The following CPNE7 variants were observed in gnomAD, a reference collection of about 807,000 sequenced individuals.
The protein encoded by CPNE7 is copine-7.
CPNE7 carries 78 observed loss-of-function variants against 66.5 expected under a neutral mutation model. That is an observed-to-expected ratio of 1.17 (90% CI 0.98 to 1.42). The LOEUF is 1.42. Ranked by LOEUF, CPNE7 falls within the 40% of genes most tolerant of loss-of-function variation. The pLI is 0.00. For synonymous variants in CPNE7, 468 were observed against 336.7 expected, an observed-to-expected ratio of 1.39 and a Z score of -4.27; for missense variants, 1,012 against 776.6, an observed-to-expected ratio of 1.30 and a Z score of -3.60.
In CPNE7 at chr16:89,584,543, G is replaced by A. The variant is rs776760220; in HGVS notation, c.508-231G>A. 4.0e-5 allele frequency among the ~76,000 whole-genome samples: 6 copies of A among 151,826 alleles called. No individual in the cohort carries two copies. The highest frequency in any genetic ancestry group is 7.4e-5 in the Non-Finnish European group (5 of 67,894). On this transcript the variant is annotated intron_variant, in intron 4 of 14. Coordinates refer to ENST00000319518, the MANE Select transcript of CPNE7 (RefSeq NM_153636.3). The surrounding 1 kb of genome is among the most constrained non-coding windows in gnomAD (Gnocchi z 6.0). ...GGGCAAGTCCGTGGAGGGCTGAGTC[G>A]CAGGGTGTGCAGGGTGACTCCATGG...
At chr16:89,589,789 C>T (rs773520184) in intron 10 of CPNE7, 108 bp from the exon 11 acceptor site, 12 of 1,216,562 alleles carry the variant, frequency 9.9e-6, no homozygotes, top group African/African-American at 1.5e-5. Context: ...TGGTACCAGG[C>T]CTGGGCACCC....
At chr16:89,577,761 C>G in intron 2 of CPNE7, 40 bp downstream of exon 2, 3 of 1,545,450 alleles carry the variant, frequency 1.9e-6, no homozygotes, top group Non-Finnish European at 2.6e-6. Flanking sequence ...GGACGGTTGG[C>G]GTGGGGGCCA....
In CPNE7 at chr16:89,597,244, G is replaced by A. The variant is rs1347991430; in HGVS notation, c.*623G>A. ...AGTAATAAAGTGTCACCCTATCCTT[G>A]TAGTTCTCTTGTGCCTTCAGTCCCT... On this transcript the variant is annotated 3_prime_UTR_variant, in exon 15 of 15. Coordinates refer to ENST00000319518, the MANE Select transcript of CPNE7 (RefSeq NM_153636.3). 6.5e-6 allele frequency: 1 copy of A among 152,686 alleles called. No homozygotes were observed. Among genetic ancestry groups the A allele is most frequent in the Non-Finnish European group, 1.5e-5 (1 of 68,434 alleles). The allele number at this position is 152,686 out of a possible 1,614,324, so 9.5% of individuals were successfully genotyped here.
At chr16:89,579,498 C>A (rs1025195125) in intron 2 of CPNE7, among the ~76,000 whole-genome samples, 1 of 150,450 alleles carries the variant, frequency 6.6e-6, no homozygotes, top group Non-Finnish European at 1.5e-5. Context: ...ACCCGTCACA[C>A]GGAACATCCC....
chr16:89,592,069 C>T (rs4479222), intron 13 of CPNE7, among the ~76,000 whole-genome samples: 48,764 of 144,030 alleles, frequency 0.34, 10,369 homozygotes, highest in East Asian at 0.84. Context: ...AGTGTAGTGG[C>T]GCAATCTCCG....
chr16:89,587,706 C>A (rs1467272867), intron 9 of CPNE7: 3 of 333,274 alleles, frequency 9.0e-6, no homozygotes, highest in Non-Finnish European at 1.9e-5. Flanking sequence ...CACCCCGTGT[C>A]ACCCCCATAG....
intron 2 of CPNE7, among the ~76,000 whole-genome samples, chr16:89,579,533 G>C (rs1256403599): frequency 2.1e-5 from 3 of 141,512 alleles, no homozygotes; most frequent in African/African-American, 5.4e-5. Flanking sequence ...CCCATCACTT[G>C]TCACATCTCA....
intron 1 of CPNE7, among the ~76,000 whole-genome samples, chr16:89,576,632 C>G (rs1445499032): frequency 1.3e-5 from 2 of 152,182 alleles, no homozygotes; most frequent in African/African-American, 4.8e-5. Context: ...CACCATCTCG[C>G]GTGAAACGCG....
At chr16:89,586,858 C>T in intron 8 of CPNE7, 102 bp downstream of exon 8, 1 of 1,210,732 alleles carries the variant, frequency 8.3e-7, no homozygotes, top group Non-Finnish European at 1.2e-6. Flanking sequence ...CTGGTGGGCC[C>T]CAGCACGTCT....
Position 89,577,652 on chromosome 16 carries a change from G to C in CPNE7, c.288G>C (p.Thr96=), listed in dbSNP as rs559921302. The C allele has an allele frequency of 4.4e-6, 7 of 1,594,542 alleles. No homozygotes were observed. In the South Asian group the frequency reaches 8.0e-5, roughly 18 times the overall value. The change falls in exon 2 of 15, where the codon ACG becomes ACC. Residue 96 remains threonine (T), a synonymous_variant. Coordinates refer to ENST00000319518, the MANE Select transcript of CPNE7 (RefSeq NM_153636.3). ...GGCTGCGCTTTGAGGTGTACGACAC[G>C]CATGGGCCCAGCGGCTTCAGCTGTC... The part of the protein sequence containing the change: ...VQRLRFEVYD[T]HGPSGFSCQE...
chr16:89,596,452 C>T, intron 14 of CPNE7, 32 bp from the exon 15 acceptor site: 1 of 1,590,368 alleles, frequency 6.3e-7, no homozygotes, highest in Non-Finnish European at 8.5e-7. Flanking sequence ...TCTCGAAGGT[C>T]CCAGAGGTAA....
At position 89,595,567 on chromosome 16, in the gene CPNE7, C is replaced by T. The variant is rs142125390; in HGVS notation, c.1503C>T (p.Asp501=). 3.7e-5 allele frequency: 60 copies of T among 1,611,070 alleles called. No individual in the cohort carries two copies. The African/African-American group carries it at 7.1e-4, about 19-fold the overall frequency. Residue 501 remains aspartate (D), a synonymous_variant, in exon 14 of 15, where the codon GAC becomes GAT. Coordinates refer to ENST00000319518, the MANE Select transcript of CPNE7 (RefSeq NM_153636.3). ...CACGGGGTGAGCCCGCGCTCCGGGA[C>T]ATCGTACAGTTCGTGCCCTTCCGGG... ...RSPRGEPALR[D]IVQFVPFREL...
chr16:89,584,696 G>A lies in CPNE7; in HGVS notation c.508-78G>A. On this transcript the variant is annotated intron_variant, in intron 4 of 14. Transcript: ENST00000319518. This position sits in a 1 kb window ranked among gnomAD's most constrained non-coding sequence, Gnocchi z 6.0. ...CGGCTGGTGGCATGAAGTGAGCCCT[G>A]GGAAACGACAAAGCCAGCTCCCATC... 9.1e-7 allele frequency: 1 copy of A among 1,094,838 alleles called. No homozygotes were observed. Among genetic ancestry groups the A allele is most frequent in the East Asian group, 2.5e-5 (1 of 40,728 alleles). The allele number at this position is 1,094,838 out of a possible 1,614,324, so 67.8% of individuals were successfully genotyped here. A position where few individuals can be genotyped will look rare whatever the true frequency, so the allele number is the denominator to read the frequency against.
rs774881948 is a variant in CPNE7 at position 89,590,976 on chromosome 16, C to G, written c.1117-31C>G. ...GGCCAGTGGGGTGTGTTGCAACGAG[C>G]AGCTGACTGAGCCCTCTTGTTCCCA... On this transcript the variant is annotated intron_variant, in intron 11 of 14. Transcript: ENST00000319518. The G allele has an allele frequency of 3.2e-5, 52 of 1,612,858 alleles. 1 individual carries two copies. The highest frequency in any genetic ancestry group is 6.7e-5 in the Admixed American group (4 of 59,964).
intron 2 of CPNE7, chr16:89,578,892 AGT>A (rs1473839112): frequency 6.2e-7 from 1 of 1,613,064 alleles, no homozygotes; most frequent in African/African-American, 1.3e-5. Context: ...TCGTGATGAG[AGT>A]GTCTGTTGAT....
In CPNE7 at chr16:89,584,547, G is replaced by A. The variant is rs1370112330; in HGVS notation, c.508-227G>A. 1.3e-5 allele frequency among the ~76,000 whole-genome samples: 2 copies of A among 152,056 alleles called. No homozygotes were observed. The highest frequency in any genetic ancestry group is 2.9e-5 in the Non-Finnish European group (2 of 67,978). The stretch of plus-strand genomic sequence containing the variant: ...AAGTCCGTGGAGGGCTGAGTCGCAG[G>A]GTGTGCAGGGTGACTCCATGGAGGG... On this transcript the variant is annotated intron_variant, in intron 4 of 14. Transcript: ENST00000319518. The surrounding 1 kb of genome is among the most constrained non-coding windows in gnomAD (Gnocchi z 6.0).
At chr16:89,577,827 C>A in intron 2 of CPNE7, 106 bp downstream of exon 2, 3 of 1,030,918 alleles carry the variant, frequency 2.9e-6, no homozygotes, top group Non-Finnish European at 4.2e-6. Context: ...GGGTGGCCAA[C>A]CTGGCTCTGC....
chr16:89,587,924 GCGTGTCAC>G (rs1567961321), intron 9 of CPNE7, among the ~76,000 whole-genome samples: 1 of 25,206 alleles, frequency 4.0e-5, no homozygotes, highest in African/African-American at 1.4e-4. Context: ...CGTGTCACCC[GCGTGTCAC>G]CCACAGATAC....
At chr16:89,583,522 A>T (rs750997051) in intron 2 of CPNE7, 175 bp from the exon 3 acceptor site, 1 of 1,566,924 alleles carries the variant, frequency 6.4e-7, no homozygotes. Context: ...ACACGCAGGG[A>T]TGGCAGGTGC....
Sources: allele counts gnomAD v4.1 joint callset (sites outside exome capture counted in the v4.1 genomes callset), GRCh38; gene constraint gnomAD v4.1.1; non-coding constraint Gnocchi (gnomAD v3.1); transcripts MANE v1.5; gene names NCBI Gene and HGNC (gene_info 2026-07-23, HGNC 2026-07-21).